The following CMC2 variants were observed in gnomAD, a reference collection of about 807,000 sequenced individuals.
The protein encoded by CMC2 is C-X9-C motif containing 2.
CMC2 carries 5 observed loss-of-function variants against 7.5 expected under a neutral mutation model. The ratio of observed to expected loss-of-function variants is 0.66; its 90% CI spans 0.35 to 1.40. The LOEUF (loss-of-function observed/expected upper bound fraction) is 1.40, where lower values mean the gene tolerates loss of function less well. Among genes scored for constraint, CMC2 ranks in the 40% most tolerant of loss-of-function variants. CMC2 has a pLI of 0.04. For missense variants in CMC2, 115 were observed against 92.3 expected, an observed-to-expected ratio of 1.25 and a Z score of -1.01; for synonymous variants, 37 against 31.4, an observed-to-expected ratio of 1.18 and a Z score of -0.60.
At chr16:80,998,327 C>A (rs1968591529) in intron 1 of CMC2, 1 of 149,758 alleles carries the variant, frequency 6.7e-6, no homozygotes, top group African/African-American at 2.4e-5. Flanking sequence ...AAACAGGAAC[C>A]AACCCATATC....
rs1911676887 is a variant in CMC2, at chr16:80,968,073, C to T, written c.*8020G>A. The T allele has an allele frequency of 6.6e-6, 1 of 152,072 alleles. No individual in the cohort carries two copies. The highest frequency in any genetic ancestry group is 1.5e-5 in the Non-Finnish European group (1 of 68,018). The allele number at this position is 152,072 out of a possible 1,614,324, so 9.4% of individuals were successfully genotyped here. On this transcript the variant is annotated 3_prime_UTR_variant, in exon 4 of 4. Transcript: ENST00000219400. The stretch of plus-strand genomic sequence containing the variant: ...GACAAGAGTGGATGAAGGTCATTAA[C>T]CCTAAAGAAGTAGGCATTTTATGGA...
In CMC2 at chr16:80,967,994, T is replaced by C. The variant is rs1306690497; in HGVS notation, c.*8099A>G. On this transcript the variant is annotated 3_prime_UTR_variant, in exon 4 of 4. Transcript: ENST00000219400. ...TCAAAAACTTAAATACAAAAGTTATTTGAGGAAACTGCTTAAAAATTAAAT... is the reference window on the plus strand; with the variant it reads ...TCAAAAACTTAAATACAAAAGTTATCTGAGGAAACTGCTTAAAAATTAAAT... 1.3e-5 allele frequency: 2 copies of C among 152,164 alleles called. No individual in the cohort carries two copies. The highest frequency in any genetic ancestry group is 2.9e-5 in the Non-Finnish European group (2 of 68,034). 9.4% of individuals were successfully genotyped at this position (152,164 alleles called of 1,614,324 possible).
At position 81,006,734 on chromosome 16, in the gene CMC2, C is replaced by G. The variant is rs1969393552; in HGVS notation, c.-36G>C. On this transcript the variant is annotated splice_region_variant and 5_prime_UTR_variant, in exon 1 of 4. Transcript: ENST00000219400. ...AACGGCCTGGACTCCCGAGACTCAC[C>G]CGACTCGTGGCCACACCGGGAGAAC... is the stretch of plus-strand genomic sequence containing the variant. 2.0e-6 allele frequency: 2 copies of G among 985,616 alleles called. No homozygotes were observed. Among genetic ancestry groups the G allele is most frequent in the Non-Finnish European group, 2.4e-6 (2 of 830,090 alleles). The allele number at this position is 985,616 out of a possible 1,614,324, so 61.1% of individuals were successfully genotyped here.
intron 1 of CMC2, 97 bp downstream of exon 1, chr16:81,006,637 G>T: frequency 4.4e-6 from 4 of 911,708 alleles, no homozygotes; most frequent in Non-Finnish European, 5.2e-6. Context: ...TCCTGGGGCC[G>T]ACGGGCGGCA....
In CMC2 at chr16:80,970,986, T is replaced by C. The variant is rs548496868; in HGVS notation, c.*5107A>G. 1.3e-5 allele frequency: 2 copies of C among 152,042 alleles called. No individual in the cohort carries two copies. Among genetic ancestry groups the C allele is most frequent in the Non-Finnish European group, 2.9e-5 (2 of 68,018 alleles). The allele number at this position is 152,042 out of a possible 1,614,324, so 9.4% of individuals were successfully genotyped here. On this transcript the variant is annotated 3_prime_UTR_variant, in exon 4 of 4. Transcript: ENST00000219400. Reference sequence around the variant, plus strand: ...CTATCTCTACTAAAAAATACAAAAATTAGCAGGGCATGGTGGCACATGCCT... The same window carrying C: ...CTATCTCTACTAAAAAATACAAAAACTAGCAGGGCATGGTGGCACATGCCT...
intron 3 of CMC2, among the ~76,000 whole-genome samples, chr16:80,976,965 C>A (rs970955832): frequency 5.9e-5 from 9 of 151,884 alleles, no homozygotes; most frequent in Non-Finnish European, 7.4e-5. Context: ...AAAAAAAAAT[C>A]ACAACCAAAA....
chr16:81,006,314 T>C (rs1479918531), intron 1 of CMC2, among the ~76,000 whole-genome samples: 1 of 152,180 alleles, frequency 6.6e-6, no homozygotes, highest in African/African-American at 2.4e-5. Context: ...TACCCGCAAA[T>C]TCTCAATTGC....
chr16:80,978,852 C>T (rs970197209), intron 3 of CMC2, among the ~76,000 whole-genome samples: 2 of 152,086 alleles, frequency 1.3e-5, no homozygotes, highest in East Asian at 1.9e-4. Flanking sequence ...GAGGCCAAGG[C>T]GGGCGGATAA....
intron 1 of CMC2, 42 bp from the exon 2 acceptor site, chr16:80,997,471 G>A: frequency 1.0e-6 from 1 of 1,002,970 alleles, no homozygotes; most frequent in Non-Finnish European, 1.6e-6. Context: ...AAACACATTT[G>A]TTACGCCACC....
intron 2 of CMC2, among the ~76,000 whole-genome samples, chr16:80,985,766 C>T (rs189936928): frequency 2.6e-5 from 4 of 152,172 alleles, no homozygotes; most frequent in Admixed American, 2.6e-4. Context: ...AAACGACCAA[C>T]TAAGCTGAAG....
chr16:80,973,571 A>C lies in CMC2; in HGVS notation c.*2522T>G, dbSNP rs1200785920. On this transcript the variant is annotated 3_prime_UTR_variant, in exon 4 of 4. Coordinates refer to ENST00000219400, the MANE Select transcript of CMC2 (RefSeq NM_020188.5). ...AATATAAATAAATGAAATCATAACCACTCCCTAAAACTTTCTAATGGTTTT... is the reference window on the plus strand; with the variant it reads ...AATATAAATAAATGAAATCATAACCCCTCCCTAAAACTTTCTAATGGTTTT... 1 of 151,820 alleles carries C rather than the reference A, an allele frequency of 6.6e-6. No homozygotes were observed. The highest frequency in any genetic ancestry group is 1.5e-5 in the Non-Finnish European group (1 of 67,968). 9.4% of individuals were successfully genotyped at this position (151,820 alleles called of 1,614,324 possible).
chr16:81,004,043 T>C (rs1969053965), intron 1 of CMC2, among the ~76,000 whole-genome samples: 1 of 152,128 alleles, frequency 6.6e-6, no homozygotes, highest in Non-Finnish European at 1.5e-5. Context: ...GCCAACATGG[T>C]GAAACCCAGT....
chr16:80,974,661 G>T lies in CMC2; in HGVS notation c.*1432C>A, dbSNP rs560765861. ...AACATGAAAGTCCTCTGTCTTCTAT[G>T]ACATCTACCTAATCATGGCACTTTG... On this transcript the variant is annotated 3_prime_UTR_variant, in exon 4 of 4. Transcript: ENST00000219400. 16 of 152,310 alleles carry T rather than the reference G, an allele frequency of 1.1e-4. No individual in the cohort carries two copies. The East Asian group carries it at 2.9e-3, about 28-fold the overall frequency. The allele number at this position is 152,310 out of a possible 1,614,324, so 9.4% of individuals were successfully genotyped here.
At chr16:81,002,104 C>T (rs533222351) in intron 1 of CMC2, among the ~76,000 whole-genome samples, 113 of 152,296 alleles carry the variant, frequency 7.4e-4, no homozygotes, top group Non-Finnish European at 1.4e-3. Flanking sequence ...TTTCTGGTTT[C>T]TGCCTTATTT....
chr16:81,001,431 G>A (rs1968857319), intron 1 of CMC2: 1 of 152,192 alleles, frequency 6.6e-6, no homozygotes, highest in South Asian at 2.1e-4. Context: ...CAAAGAGACG[G>A]AAAGTGGAAT....
rs1489747597 is a variant in CMC2, at chr16:80,973,002, A to G, written c.*3091T>C. 6.6e-6 allele frequency: 1 copy of G among 152,384 alleles called. No homozygotes were observed. The highest frequency in any genetic ancestry group is 2.4e-5 in the African/African-American group (1 of 41,476). The allele number at this position is 152,384 out of a possible 1,614,324, so 9.4% of individuals were successfully genotyped here. A position where few individuals can be genotyped will look rare whatever the true frequency, so the allele number is the denominator to read the frequency against. On this transcript the variant is annotated 3_prime_UTR_variant, in exon 4 of 4. Coordinates refer to ENST00000219400, the MANE Select transcript of CMC2 (RefSeq NM_020188.5). ...CTCCAGCTTCTTCGGCTTCCACTGC[A>G]TATGGGAATTCAAAATATTTGGAAA...
At chr16:80,977,730 T>C (rs900783762) in intron 3 of CMC2, among the ~76,000 whole-genome samples, 1 of 152,180 alleles carries the variant, frequency 6.6e-6, no homozygotes, top group Non-Finnish European at 1.5e-5. Flanking sequence ...GATTCTAACA[T>C]ATCTTCTGGA....
rs1267929863 is a variant in CMC2, at chr16:80,972,873, C to G, written c.*3220G>C. 2 of 152,280 alleles carry G rather than the reference C, an allele frequency of 1.3e-5. No individual in the cohort carries two copies. The highest frequency in any genetic ancestry group is 4.8e-5 in the African/African-American group (2 of 41,442). The allele number at this position is 152,280 out of a possible 1,614,324, so 9.4% of individuals were successfully genotyped here. On this transcript the variant is annotated 3_prime_UTR_variant, in exon 4 of 4. Coordinates refer to ENST00000219400, the MANE Select transcript of CMC2 (RefSeq NM_020188.5). ...TCGTGATGTGAACCGTCACTAGAACCACATCCATCTTATTCCATGGTATCA... is the reference window on the plus strand; with the variant it reads ...TCGTGATGTGAACCGTCACTAGAACGACATCCATCTTATTCCATGGTATCA...
chr16:80,980,846 T>C (rs762315275), intron 3 of CMC2: 6 of 700,098 alleles, frequency 8.6e-6, no homozygotes, highest in African/African-American at 1.8e-5. Flanking sequence ...ACGATCACCC[T>C]ACTGCACTCC....
Sources: allele counts gnomAD v4.1 joint callset (sites outside exome capture counted in the v4.1 genomes callset), GRCh38; gene constraint gnomAD v4.1.1; transcripts MANE v1.5; gene names NCBI Gene and HGNC (gene_info 2026-07-23, HGNC 2026-07-21).